Variants in NKAIN4 observed in about 807,000 individuals in gnomAD.
The protein encoded by NKAIN4 is sodium/potassium-transporting ATPase subunit beta-1-interacting protein 4.
A neutral mutation model predicts 28.8 loss-of-function variants in NKAIN4; 28 were observed. That is an observed-to-expected ratio of 0.97 (90% CI 0.72 to 1.33). The LOEUF is 1.33. Among genes scored for constraint, NKAIN4 ranks in the 40% most tolerant of loss-of-function variants. NKAIN4 has a pLI of 0.00. For missense variants in NKAIN4, 289 were observed against 277.2 expected, an observed-to-expected ratio of 1.04 and a Z score of -0.30; for synonymous variants, 122 against 115.6, an observed-to-expected ratio of 1.06 and a Z score of -0.36.
rs1347054405 is a variant in NKAIN4, at chr20:63,247,707, A to G, written c.342T>C (p.Cys114=). The change falls in exon 4 of 7, where the codon TGT becomes TGC. Residue 114 remains cysteine (C), a synonymous_variant. Coordinates refer to ENST00000370316, the MANE Select transcript of NKAIN4 (RefSeq NM_152864.4). ...CCACTGCTGGCACCTCCTCATGCAGACAGCCTGGCCAGCGCTCACGCCACC... is the reference window on the plus strand; with the variant it reads ...CCACTGCTGGCACCTCCTCATGCAGGCAGCCTGGCCAGCGCTCACGCCACC... ...RSWWRERWPG[C]LHEEVPAVGL... 3 of 1,527,870 alleles carry G rather than the reference A, an allele frequency of 2.0e-6. No homozygotes were observed. Among genetic ancestry groups the G allele is most frequent in the Admixed American group, 2.1e-5 (1 of 47,786 alleles). 94.6% of individuals were successfully genotyped at this position (1,527,870 alleles called of 1,614,324 possible).
intron 1 of NKAIN4, among the ~76,000 whole-genome samples, chr20:63,251,378 T>C (rs966275167): frequency 4.0e-4 from 61 of 151,972 alleles, no homozygotes; most frequent in African/African-American, 9.9e-4. Context: ...TGATGTCAGG[T>C]CCTCCACAAG....
At chr20:63,246,888 G>C (rs2066868037) in intron 4 of NKAIN4, 3 of 985,222 alleles carry the variant, frequency 3.0e-6, no homozygotes, top group African/African-American at 1.7e-5. Context: ...AGGTTGTTAG[G>C]CTCACAGAGG....
At position 63,252,856 on chromosome 20, in the gene NKAIN4, CCT is replaced by C. The variant is rs1347871315; in HGVS notation, c.54+1539_54+1540del. Among the ~76,000 whole-genome samples, 4 of 152,184 alleles carry C rather than the reference CCT, an allele frequency of 2.6e-5. No homozygotes were observed. The East Asian group carries it at 7.7e-4, about 29-fold the overall frequency. ...CATGACCCCACCCGCCCCTCTGCAC[CCT>C]GAGGTCACATCCGACCAGCACAGTC... On this transcript the variant is annotated intron_variant, in intron 1 of 6. Transcript: ENST00000370316. The surrounding 1 kb of genome is among the most constrained non-coding windows in gnomAD (Gnocchi z 4.6).
At chr20:63,248,533 G>A in intron 3 of NKAIN4, 1 of 402,720 alleles carries the variant, frequency 2.5e-6, no homozygotes, top group East Asian at 4.9e-5. Flanking sequence ...CTCTGCCAGG[G>A]TTTGCCCCTG....
chr20:63,251,693 T>C (rs1247659296), intron 1 of NKAIN4, among the ~76,000 whole-genome samples: 5 of 152,246 alleles, frequency 3.3e-5, no homozygotes, highest in East Asian at 3.8e-4. Context: ...AGGATTATTA[T>C]AATACGGGAA....
At chr20:63,254,488 G>T, upstream of NKAIN4, 2 of 1,278,940 alleles carry the variant, frequency 1.6e-6, no homozygotes, top group Non-Finnish European at 9.9e-7. Flanking sequence ...GGTGCCCCGC[G>T]CTCGGCCCCC....
At chr20:63,253,166 G>C in intron 1 of NKAIN4, 1 of 978,274 alleles carries the variant, frequency 1.0e-6, no homozygotes, top group Non-Finnish European at 1.2e-6. Context: ...CCTGCTTCCA[G>C]CCCCTCCCCA....
In NKAIN4 at chr20:63,250,085, C is replaced by G; in HGVS notation, c.55-13G>C. 1 of 1,554,788 alleles carries G rather than the reference C, an allele frequency of 6.4e-7. No individual in the cohort carries two copies. Among genetic ancestry groups the G allele is most frequent in the Non-Finnish European group, 8.7e-7 (1 of 1,150,026 alleles). ...CCAGGGCGGCGACCTAGGAGCAGGG[C>G]GGGCGCCATGAAGGGTGGACCCGAG... On this transcript the variant is annotated splice_polypyrimidine_tract_variant and intron_variant, in intron 1 of 6. Transcript: ENST00000370316.
chr20:63,253,526 G>A (rs548161514), intron 1 of NKAIN4: 2 of 985,250 alleles, frequency 2.0e-6, no homozygotes, highest in South Asian at 9.4e-5. Flanking sequence ...CGGTCCAGCT[G>A]CGCTCCGCAG....
At chr20:63,241,667 GA>G in intron 6 of NKAIN4, 161 bp from the exon 7 acceptor site, 2 of 727,802 alleles carry the variant, frequency 2.7e-6, no homozygotes, top group East Asian at 5.4e-5. Flanking sequence ...TGAGGCTCTG[GA>G]AAGCCCCCAC....
intron 4 of NKAIN4, chr20:63,246,483 CA>C: frequency 1.0e-6 from 1 of 984,756 alleles, no homozygotes; most frequent in Non-Finnish European, 1.2e-6. Context: ...AGGACCAGAG[CA>C]GAGCCCAGGA....
chr20:63,242,614 A>G lies in NKAIN4; in HGVS notation c.542T>C (p.Ile181Thr), dbSNP rs535399604. 1.2e-6 allele frequency: 2 copies of G among 1,611,960 alleles called. No homozygotes were observed. Among genetic ancestry groups the G allele is most frequent in the African/African-American group, 1.3e-5 (1 of 74,986 alleles). ...GAGAGGAAATGGATCAAATCCACCA[A>G]TGAAATCAACTGAAAGAAATCAAGA... ...FTEEEDSFDFIGGFDPFPLYH... is the reference protein window; with the variant it reads ...FTEEEDSFDFTGGFDPFPLYH... Residue 181 changes from isoleucine to threonine, a missense_variant, in exon 6 of 7, where the codon ATT becomes ACT. By Grantham distance (89) the Ile-to-Thr change is moderately conservative (BLOSUM62 -1). Transcript: ENST00000370316.
chr20:63,250,222 T>C (rs2066932747), intron 1 of NKAIN4, 150 bp from the exon 2 acceptor site: 3 of 847,616 alleles, frequency 3.5e-6, no homozygotes, highest in Non-Finnish European at 5.4e-6. Context: ...ACACCAGGGC[T>C]GTAACTCCTG....
chr20:63,244,885 AC>A (rs941415669), intron 4 of NKAIN4, among the ~76,000 whole-genome samples: 66 of 152,156 alleles, frequency 4.3e-4, no homozygotes, highest in African/African-American at 1.6e-3. Context: ...GACTGGAGGG[AC>A]CCCGGAACGA....
chr20:63,248,829 C>T lies in NKAIN4; in HGVS notation c.259G>A (p.Gly87Ser), dbSNP rs565172154. The stretch of plus-strand genomic sequence containing the variant: ...TCTGCACTCACCTTTAAGAGGCCAC[C>T]GACTTCCAGGTAGAAGCAGATGATG... ...VFIICFYLEV[G>S]GLLKDSELLT... Residue 87 changes from glycine to serine, a missense_variant, in exon 3 of 7, where the codon GGT becomes AGT. Gly to Ser is a moderately conservative substitution (Grantham distance 56). Transcript: ENST00000370316. 5 of 1,612,254 alleles carry T rather than the reference C, an allele frequency of 3.1e-6. No homozygotes were observed. In the African/African-American group the frequency reaches 5.3e-5, roughly 17 times the overall value.
At chr20:63,247,424 C>T in intron 4 of NKAIN4, 154 bp downstream of exon 4, 2 of 1,539,810 alleles carry the variant, frequency 1.3e-6, no homozygotes, top group East Asian at 4.9e-5. Flanking sequence ...ACCCGTGATA[C>T]CTTAACCTCT....
chr20:63,251,358 C>T (rs562308818), intron 1 of NKAIN4, among the ~76,000 whole-genome samples: 3 of 152,168 alleles, frequency 2.0e-5, no homozygotes, highest in Non-Finnish European at 2.9e-5. Context: ...TAACTGCGGG[C>T]GGGCCTGACT....
At chr20:63,250,893 C>T (rs1568712429) in intron 1 of NKAIN4, among the ~76,000 whole-genome samples, 1 of 147,842 alleles carries the variant, frequency 6.8e-6, no homozygotes, top group Admixed American at 6.7e-5. Context: ...CACCCCATCC[C>T]CCACCCCAGC....
At chr20:63,243,043 C>A (rs989295948) in intron 5 of NKAIN4, among the ~76,000 whole-genome samples, 1 of 152,218 alleles carries the variant, frequency 6.6e-6, no homozygotes, top group Non-Finnish European at 1.5e-5. Flanking sequence ...CATGTTCAGA[C>A]CGATGGCTTC....
Sources: gnomAD v4.1 joint callset for allele counts (sites outside exome capture counted in the v4.1 genomes callset) on GRCh38, gnomAD v4.1.1 for gene constraint, Gnocchi (gnomAD v3.1) non-coding constraint, MANE v1.5 for transcripts, NCBI Gene and HGNC (gene_info 2026-07-23, HGNC 2026-07-21) for gene names.